Variants in ERBB4 observed in about 807,000 individuals in gnomAD.
ERBB4 encodes the protein receptor tyrosine-protein kinase erbB-4.
In ERBB4, 42 loss-of-function variants were observed where a neutral mutation model predicts 158.0. The observed-to-expected ratio is 0.27, with a 90% confidence interval of 0.21 to 0.34. The LOEUF is 0.34. Among genes scored for constraint, ERBB4 ranks in the 10% least tolerant of loss-of-function variants. The pLI is 1.00. For synonymous variants in ERBB4, 583 were observed against 558.7 expected (o/e 1.04, Z -0.61); for missense variants, 1,333 against 1,624.1 (o/e 0.82, Z 3.08).
chr2:212,185,722 C>T (rs1415323560), intron 1 of ERBB4, among the ~76,000 whole-genome samples: 1 of 151,810 alleles, frequency 6.6e-6, no homozygotes, highest in African/African-American at 2.4e-5. Flanking sequence ...AGAAGTCTGG[C>T]CCAAAGAGGA....
chr2:212,042,076 C>T lies in ERBB4; in HGVS notation c.234+82676G>A, dbSNP rs576908942. 2.6e-5 allele frequency among the ~76,000 whole-genome samples: 4 copies of T among 152,098 alleles called. No individual in the cohort carries two copies. In the South Asian group the frequency reaches 8.3e-4, roughly 32 times the overall value. ...CTTCGGTTTGCTTTAGTGGTTCTCC[C>T]CCTACCCCACCCAAAACAAAGAAGC... On this transcript the variant is annotated intron_variant, in intron 2 of 27. Coordinates refer to ENST00000342788, the MANE Select transcript of ERBB4 (RefSeq NM_005235.3).
chr2:212,391,945 TTTTAA>T (rs1179646839), intron 1 of ERBB4, among the ~76,000 whole-genome samples: 2 of 151,100 alleles, frequency 1.3e-5, no homozygotes, highest in Non-Finnish European at 3.0e-5. Flanking sequence ...AATGCGAAAT[TTTTAA>T]TTTAAAAGGA....
At position 211,892,633 on chromosome 2, in the gene ERBB4, GA is replaced by G. The variant is rs545197033; in HGVS notation, c.421+54796del. ...GGAAGTCAAATTGTCCCTGTTTGCA[GA>G]TGACGTGATTGTATATCTAGAAAAC... is the stretch of plus-strand genomic sequence containing the variant. On this transcript the variant is annotated intron_variant, in intron 3 of 27. Coordinates refer to ENST00000342788, the MANE Select transcript of ERBB4 (RefSeq NM_005235.3). Among the ~76,000 whole-genome samples the G allele has an allele frequency of 2.0e-4, 29 of 145,890 alleles. 5 individuals carry two copies. The highest frequency in any genetic ancestry group is 7.7e-4 in the African/African-American group (29 of 37,596).
intron 3 of ERBB4, among the ~76,000 whole-genome samples, chr2:211,831,126 TAAA>T (rs1279492512): frequency 6.6e-6 from 1 of 152,156 alleles, no homozygotes; most frequent in African/African-American, 2.4e-5. Context: ...GATGAATGAA[TAAA>T]AATCATAATT....
At chr2:212,022,380 C>T (rs2076674022) in intron 2 of ERBB4, among the ~76,000 whole-genome samples, 1 of 152,032 alleles carries the variant, frequency 6.6e-6, no homozygotes, top group Non-Finnish European at 1.5e-5. Context: ...GTGTCATTTG[C>T]AGGGACGTGG....
chr2:212,429,006 A>G (rs2091970601), intron 1 of ERBB4, among the ~76,000 whole-genome samples: 1 of 152,176 alleles, frequency 6.6e-6, no homozygotes, highest in African/African-American at 2.4e-5. Context: ...GAATGTTAAT[A>G]TAAAAGTTAT....
intron 1 of ERBB4, among the ~76,000 whole-genome samples, chr2:212,149,020 TG>T (rs1170259098): frequency 1.2e-5 from 1 of 83,594 alleles, no homozygotes; most frequent in Non-Finnish European, 2.3e-5. Flanking sequence ...TGTTGTGGGG[TG>T]GGGGGAGGGG....
intron 20 of ERBB4, among the ~76,000 whole-genome samples, chr2:211,447,353 G>A (rs1344969123): frequency 6.6e-6 from 1 of 151,798 alleles, no homozygotes; most frequent in East Asian, 1.9e-4. Context: ...TCCCCAGCCT[G>A]TCATTAAGTC....
At chr2:211,549,733 G>T (rs1478188414) in intron 20 of ERBB4, among the ~76,000 whole-genome samples, 1 of 152,126 alleles carries the variant, frequency 6.6e-6, no homozygotes, top group East Asian at 1.9e-4. Context: ...AAATAAAATA[G>T]AGAGGAAGAC....
chr2:211,513,830 A>AT (rs997007545), intron 20 of ERBB4, among the ~76,000 whole-genome samples: 3 of 151,922 alleles, frequency 2.0e-5, no homozygotes, highest in African/African-American at 7.3e-5. Flanking sequence ...GTTTCTTTAT[A>AT]TTTTTGGGGG....
intron 20 of ERBB4, among the ~76,000 whole-genome samples, chr2:211,485,801 A>G (rs1255474823): frequency 6.6e-6 from 1 of 152,082 alleles, no homozygotes. Flanking sequence ...TGGCACATAT[A>G]CATATGTAAC....
At chr2:211,708,093 T>C (rs1008303578) in intron 9 of ERBB4, among the ~76,000 whole-genome samples, 2 of 151,560 alleles carry the variant, frequency 1.3e-5, no homozygotes, top group African/African-American at 4.8e-5. Flanking sequence ...TCTATCTTTA[T>C]ACACACACAC....
At chr2:212,470,968 C>T (rs1176603372) in intron 1 of ERBB4, among the ~76,000 whole-genome samples, 1 of 151,938 alleles carries the variant, frequency 6.6e-6, no homozygotes, top group African/African-American at 2.4e-5. Context: ...CTACAACTAA[C>T]CTAGATGCTT....
chr2:211,978,397 TCTA>T (rs1386055746), intron 2 of ERBB4, among the ~76,000 whole-genome samples: 15 of 35,294 alleles, frequency 4.3e-4, no homozygotes, highest in Non-Finnish European at 8.4e-4. Flanking sequence ...TGTCTGTCTG[TCTA>T]TCTATCTATC....
chr2:211,658,009 A>C, intron 15 of ERBB4, 181 bp from the exon 16 acceptor site: 1 of 1,584,470 alleles, frequency 6.3e-7, no homozygotes, highest in Non-Finnish European at 8.6e-7. Flanking sequence ...AGAAAATGCA[A>C]ATTTAAAAAA....
At chr2:212,121,543 T>C (rs1457633783) in intron 2 of ERBB4, among the ~76,000 whole-genome samples, 1 of 152,172 alleles carries the variant, frequency 6.6e-6, no homozygotes, top group Non-Finnish European at 1.5e-5. Context: ...TCCTTGATCT[T>C]ACTCTTTTTA....
intron 16 of ERBB4, among the ~76,000 whole-genome samples, chr2:211,651,936 G>A (rs1171722689): frequency 6.6e-6 from 1 of 152,064 alleles, no homozygotes; most frequent in Non-Finnish European, 1.5e-5. Flanking sequence ...TTTTACCTGT[G>A]GAACTGTGTT....
At chr2:212,509,576 A>T (rs1691391490) in intron 1 of ERBB4, among the ~76,000 whole-genome samples, 1 of 152,036 alleles carries the variant, frequency 6.6e-6, no homozygotes, top group African/African-American at 2.4e-5. Flanking sequence ...AATTTAATTT[A>T]AATAAGTTTA....
At position 211,753,854 on chromosome 2, in the gene ERBB4, A is replaced by ATTTTTTTT. The variant is rs1047804300; in HGVS notation, c.557-3158_557-3151dup. Among the ~76,000 whole-genome samples, 2 of 121,308 alleles carry ATTTTTTTT rather than the reference A, an allele frequency of 1.6e-5. 1 individual carries two copies. Among genetic ancestry groups the ATTTTTTTT allele is most frequent in the African/African-American group, 6.4e-5 (2 of 31,016 alleles). The allele number at this position is 121,308 out of a possible 152,430, so 79.6% of individuals were successfully genotyped here. A position where few individuals can be genotyped will look rare whatever the true frequency, so the allele number is the denominator to read the frequency against. On this transcript the variant is annotated intron_variant, in intron 4 of 27. Transcript: ENST00000342788. ...GCATGCACTAACCTCAAAAGTCCTG[A>ATTTTTTTT]TTTTTTTTTTTTTTTTTTTTTGAGA...
Sources: allele counts gnomAD v4.1 joint callset (sites outside exome capture counted in the v4.1 genomes callset), GRCh38; gene constraint gnomAD v4.1.1; transcripts MANE v1.5; gene names NCBI Gene and HGNC (gene_info 2026-07-23, HGNC 2026-07-21).